PCDHA2: variants seen among roughly 807,000 people sequenced by gnomAD.
The protein encoded by PCDHA2 is protocadherin alpha 2.
Under a neutral mutation model 66.0 loss-of-function variants are expected in PCDHA2, and 58 were observed. That is an observed-to-expected ratio of 0.88 (90% CI 0.71 to 1.09). The LOEUF (loss-of-function observed/expected upper bound fraction) is 1.09. Among genes scored for constraint, PCDHA2 ranks in the 50% least tolerant of loss-of-function variants. PCDHA2 has a pLI of 0.00. For missense variants in PCDHA2, 1,267 were observed against 1,242.3 expected (o/e 1.02, Z -0.30); for synonymous variants, 634 against 554.0 (o/e 1.14, Z -2.03).
At chr5:140,844,630 A>G (rs1413264229) in intron 1 of PCDHA2, among the ~76,000 whole-genome samples, 2 of 149,590 alleles carry the variant, frequency 1.3e-5, no homozygotes, top group Non-Finnish European at 3.0e-5. Flanking sequence ...CAGAAAAACT[A>G]TACATGATAA....
At chr5:140,883,630 G>T (rs1424400219) in intron 1 of PCDHA2, 8 of 1,613,966 alleles carry the variant, frequency 5.0e-6, no homozygotes, top group Non-Finnish European at 6.8e-6. Context: ...ACGCGCCGGC[G>T]TTCGCGCAGC....
At chr5:140,982,589 T>C in intron 3 of PCDHA2, 26 bp downstream of exon 3, 1 of 1,610,940 alleles carries the variant, frequency 6.2e-7, no homozygotes, top group Non-Finnish European at 8.5e-7. Context: ...CTCTCCATTC[T>C]TTCTTGGTTT....
intron 1 of PCDHA2, chr5:140,841,287 A>G: frequency 3.9e-6 from 6 of 1,554,152 alleles, no homozygotes; most frequent in Non-Finnish European, 5.2e-6. Context: ...CTTTATATTA[A>G]GATAATATTT....
intron 1 of PCDHA2, chr5:140,852,515 A>G (rs1258070118): frequency 9.7e-6 from 3 of 310,304 alleles, no homozygotes; most frequent in African/African-American, 6.9e-5. Flanking sequence ...TGACCTTGTG[A>G]TGCTCCCACC....
chr5:140,837,274 A>G (rs1774994137), intron 1 of PCDHA2: 1 of 152,032 alleles, frequency 6.6e-6, no homozygotes, highest in South Asian at 2.1e-4. Context: ...TGTAGCACTG[A>G]CTTCTTTTTA....
intron 1 of PCDHA2, chr5:140,834,232 T>C: frequency 1.3e-6 from 1 of 753,154 alleles, no homozygotes; most frequent in African/African-American, 1.7e-5. Flanking sequence ...AAGGAAGTCA[T>C]TCCTTTTCGC....
rs73793550 is a variant in PCDHA2 at position 140,989,564 on chromosome 5, C to T, written c.2536+7001C>T. On this transcript the variant is annotated intron_variant, in intron 3 of 3. Transcript: ENST00000526136. ...GTAATTCCTTTACGTTTTGTGGCTC[C>T]GGCAAGCCCTGTCCTCAGCCTCACT... is the stretch of plus-strand genomic sequence containing the variant. Among the ~76,000 whole-genome samples the T allele has an allele frequency of 6.0e-3, 907 of 152,216 alleles. 13 individuals carry two copies. Among genetic ancestry groups the T allele is most frequent in the African/African-American group, 0.021 (852 of 41,530 alleles).
chr5:140,875,929 C>T (rs1554168093), intron 1 of PCDHA2: 4 of 1,614,154 alleles, frequency 2.5e-6, no homozygotes, highest in East Asian at 2.2e-5. Context: ...CTCTCATTTT[C>T]CTCTAGAGGG....
chr5:140,926,505 TC>T, intron 1 of PCDHA2: 1 of 190,688 alleles, frequency 5.2e-6, no homozygotes. Flanking sequence ...TCGGGGCGTC[TC>T]CCAGGCTCCG....
rs1554119800 is a variant in PCDHA2 at position 140,796,266 on chromosome 5, A to C, written c.1302A>C (p.Ser434=). 6 of 1,614,046 alleles carry C rather than the reference A, an allele frequency of 3.7e-6. No homozygotes were observed. The East Asian group carries it at 1.3e-4, about 36-fold the overall frequency. The change falls in exon 1 of 4, where the codon TCA becomes TCC. Residue 434 remains serine (S), a synonymous_variant. Coordinates refer to ENST00000526136, the MANE Select transcript of PCDHA2 (RefSeq NM_018905.3). The part of the protein sequence containing the change: ...VVTARDGGSP[S]LWATTSVSIE... The stretch of plus-strand genomic sequence containing the variant: ...CCGCACGGGACGGGGGCTCGCCTTC[A>C]CTGTGGGCCACCACCAGCGTGTCCA...
intron 1 of PCDHA2, chr5:140,802,362 C>T: frequency 6.2e-7 from 1 of 1,614,268 alleles, no homozygotes; most frequent in Non-Finnish European, 8.5e-7. Context: ...CACCTGCTCG[C>T]TGACGCCCCA....
chr5:140,795,117 C>T lies in PCDHA2; in HGVS notation c.153C>T (p.Asp51=). 6.2e-7 allele frequency: 1 copy of T among 1,614,050 alleles called. No homozygotes were observed. Among genetic ancestry groups the T allele is most frequent in the Non-Finnish European group, 8.5e-7 (1 of 1,180,024 alleles). The stretch of plus-strand genomic sequence containing the variant: ...CCTTCGTGGGCCGCATCGCGCAGGA[C>T]CTGGGGCTGGAGCTGGAGGAGCTGG... ...HGTFVGRIAQ[D]LGLELEELVP... is the part of the protein sequence containing the mutation. The change falls in exon 1 of 4, where the codon GAC becomes GAT. Residue 51 remains aspartate, a synonymous_variant. Transcript: ENST00000526136.
intron 1 of PCDHA2, chr5:140,856,729 G>T: frequency 1.3e-6 from 2 of 1,595,560 alleles, no homozygotes; most frequent in East Asian, 2.2e-5. Flanking sequence ...CTGTTTCTCT[G>T]CTGATCCTGG....
At chr5:140,980,623 T>C (rs1554242045) in intron 2 of PCDHA2, among the ~76,000 whole-genome samples, 1 of 152,102 alleles carries the variant, frequency 6.6e-6, no homozygotes, top group African/African-American at 2.4e-5. Flanking sequence ...TGCGAGACTC[T>C]GTCTCAGAAG....
At chr5:140,835,310 T>C in intron 1 of PCDHA2, 1 of 1,613,100 alleles carries the variant, frequency 6.2e-7, no homozygotes, top group Non-Finnish European at 8.5e-7. Context: ...GACATATGGA[T>C]TTTGAAGAAA....
At chr5:140,837,131 A>G (rs1181780684) in intron 1 of PCDHA2, 1 of 155,420 alleles carries the variant, frequency 6.4e-6, no homozygotes, top group African/African-American at 2.4e-5. Flanking sequence ...ATTTTATTCT[A>G]TGTATTGTCC....
rs782426631 is a variant in PCDHA2, at chr5:140,982,476, T to G, written c.2449T>G (p.Ser817Ala). The change falls in exon 3 of 4, where the codon TCT becomes GCT. Residue 817 changes from serine to alanine, a missense_variant and splice_region_variant. By Grantham distance (99) the Ser-to-Ala change is moderately conservative (BLOSUM62 1). Coordinates refer to ENST00000526136, the MANE Select transcript of PCDHA2 (RefSeq NM_018905.3). The part of the protein sequence containing the change: ...SASLRAGMHS[S>A]VHLEEAGILR... Reference sequence around the variant, plus strand: ...ATCTGGGTCTGTGTGTTTATTCAGCTCTGTGCACCTAGAGGAGGCTGGCAT... The same window carrying G: ...ATCTGGGTCTGTGTGTTTATTCAGCGCTGTGCACCTAGAGGAGGCTGGCAT... 9.3e-6 allele frequency: 15 copies of G among 1,614,064 alleles called. No individual in the cohort carries two copies. The African/African-American group carries it at 2.0e-4, about 22-fold the overall frequency.
chr5:140,898,330 G>A (rs536378486), intron 1 of PCDHA2, among the ~76,000 whole-genome samples: 29 of 152,102 alleles, frequency 1.9e-4, no homozygotes, highest in African/African-American at 6.0e-4. Flanking sequence ...TGGGTCTAAC[G>A]TTTAAGTCTT....
intron 1 of PCDHA2, among the ~76,000 whole-genome samples, chr5:140,908,393 A>G (rs1295544122): frequency 2.0e-5 from 3 of 152,132 alleles, no homozygotes; most frequent in Non-Finnish European, 4.4e-5. Context: ...CCGATCACAT[A>G]TATACCACTT....
Sources: gnomAD v4.1 joint callset for allele counts (sites outside exome capture counted in the v4.1 genomes callset) on GRCh38, gnomAD v4.1.1 for gene constraint, MANE v1.5 for transcripts, NCBI Gene and HGNC (gene_info 2026-07-23, HGNC 2026-07-21) for gene names.